The following PDGFD variants were observed in gnomAD, a reference collection of about 807,000 sequenced individuals.
PDGFD encodes the protein platelet derived growth factor D, also known as platelet-derived growth factor D.
A neutral mutation model predicts 44.7 loss-of-function variants in PDGFD; 30 were observed. The ratio of observed to expected loss-of-function variants is 0.67; its 90% CI spans 0.50 to 0.91. The LOEUF is 0.91. PDGFD is among the 40% of genes least tolerant of loss of function. The pLI is 0.00. For synonymous variants in PDGFD, 173 were observed against 168.4 expected, an observed-to-expected ratio of 1.03 and a Z score of -0.21; for missense variants, 445 against 457.8, an observed-to-expected ratio of 0.97 and a Z score of 0.25.
chr11:103,941,563 C>A (rs1224958207), intron 5 of PDGFD, among the ~76,000 whole-genome samples: 1 of 151,854 alleles, frequency 6.6e-6, no homozygotes, highest in Non-Finnish European at 1.5e-5. Flanking sequence ...AGAAGCAGTC[C>A]CCAGAAGTAG....
intron 1 of PDGFD, among the ~76,000 whole-genome samples, chr11:104,129,302 C>T (rs951699768): frequency 4.0e-5 from 6 of 151,654 alleles, no homozygotes; most frequent in African/African-American, 1.5e-4. Flanking sequence ...ATTTAGGCAC[C>T]CTGGAGAGTG....
intron 1 of PDGFD, among the ~76,000 whole-genome samples, chr11:104,141,966 GC>G (rs1174626524): frequency 6.6e-6 from 1 of 152,074 alleles, no homozygotes; most frequent in Non-Finnish European, 1.5e-5. Context: ...CATCTTTATA[GC>G]CTGGCTTGAA....
intron 1 of PDGFD, chr11:104,036,758 C>G (rs1860240929): frequency 3.7e-6 from 5 of 1,338,168 alleles, no homozygotes; most frequent in Admixed American, 1.8e-5. Context: ...ACGACGCAGG[C>G]CCGCCCCAGC....
rs1375427690 is a variant in PDGFD at position 103,987,663 on chromosome 11, T to C, written c.510+8402A>G. ...GGACTCACATTAATGAAACTGCTAC[T>C]TTTGAGTCCTTTTGGCTTCTTGTAT... On this transcript the variant is annotated intron_variant, in intron 3 of 6. Transcript: ENST00000393158. Among the ~76,000 whole-genome samples, 3 of 152,342 alleles carry C rather than the reference T, an allele frequency of 2.0e-5. No homozygotes were observed. In the East Asian group the frequency reaches 5.8e-4, roughly 29 times the overall value.
intron 2 of PDGFD, among the ~76,000 whole-genome samples, chr11:103,996,991 C>T (rs1168260550): frequency 6.6e-6 from 1 of 152,158 alleles, no homozygotes; most frequent in Admixed American, 6.5e-5. Context: ...CTTTAGTTAT[C>T]CTTGTGGGCA....
intron 1 of PDGFD, among the ~76,000 whole-genome samples, chr11:104,074,974 C>T (rs971994628): frequency 6.6e-6 from 1 of 152,132 alleles, no homozygotes; most frequent in African/African-American, 2.4e-5. Flanking sequence ...TAAGCAAAAG[C>T]AGTTCCATAC....
chr11:104,078,561 C>CT (rs1861001250), intron 1 of PDGFD, among the ~76,000 whole-genome samples: 1 of 48,444 alleles, frequency 2.1e-5, no homozygotes. Flanking sequence ...CCCATATTTG[C>CT]CTCCTTATAT....
At chr11:104,093,304 G>GCA (rs148019515) in intron 1 of PDGFD, among the ~76,000 whole-genome samples, 29 of 150,874 alleles carry the variant, frequency 1.9e-4, no homozygotes, top group Admixed American at 7.3e-4. Flanking sequence ...AAGGGTCAGT[G>GCA]CACACACACA....
At chr11:103,992,770 C>T (rs757765126) in intron 3 of PDGFD, among the ~76,000 whole-genome samples, 9 of 152,122 alleles carry the variant, frequency 5.9e-5, no homozygotes, top group East Asian at 1.9e-4. Flanking sequence ...AGTAAAAAAC[C>T]GACTAAAAAT....
chr11:104,015,356 T>C (rs563911219), intron 1 of PDGFD, among the ~76,000 whole-genome samples: 1 of 152,218 alleles, frequency 6.6e-6, no homozygotes, highest in Non-Finnish European at 1.5e-5. Flanking sequence ...AATGCAGATT[T>C]TGTTTATTCT....
rs1859531298 is a variant in PDGFD at position 103,996,145 on chromosome 11, T to A, written c.430A>T (p.Thr144Ser). 6 of 1,613,802 alleles carry A rather than the reference T, an allele frequency of 3.7e-6. No homozygotes were observed. In the East Asian group the frequency reaches 1.3e-4, roughly 36 times the overall value. ...KEVPPRIKSR[T>S]NQIKITFKSD... ...TTGAATGTGATTTTAATTTGGTTCGTTCTTGATTTTATCCTTGGAGGAACT... is the reference window on the plus strand; with the variant it reads ...TTGAATGTGATTTTAATTTGGTTCGATCTTGATTTTATCCTTGGAGGAACT... Residue 144 changes from threonine (T) to serine (S), a missense_variant, in exon 3 of 7, where the codon ACG becomes TCG. Coordinates refer to ENST00000393158, the MANE Select transcript of PDGFD (RefSeq NM_025208.5).
chr11:103,945,327 C>T (rs181271848), intron 4 of PDGFD, among the ~76,000 whole-genome samples: 34 of 152,218 alleles, frequency 2.2e-4, no homozygotes, highest in Admixed American at 9.8e-4. Flanking sequence ...ACGAGCTGAA[C>T]CCTGACTGAC....
At chr11:103,924,406 T>G (rs933081235) in intron 6 of PDGFD, among the ~76,000 whole-genome samples, 1 of 152,210 alleles carries the variant, frequency 6.6e-6, no homozygotes, top group Non-Finnish European at 1.5e-5. Context: ...AATCTAGAGT[T>G]CATCAGTTCA....
chr11:104,004,277 G>A (rs1242266528), intron 1 of PDGFD, among the ~76,000 whole-genome samples: 1 of 152,078 alleles, frequency 6.6e-6, no homozygotes, highest in Non-Finnish European at 1.5e-5. Context: ...CCACATTCAT[G>A]GATTCATCAA....
At chr11:104,049,377 C>T (rs260818) in intron 1 of PDGFD, among the ~76,000 whole-genome samples, 9 of 151,814 alleles carry the variant, frequency 5.9e-5, no homozygotes, top group Non-Finnish European at 7.4e-5. Context: ...TGTTCAAGGA[C>T]GAACGACAAA....
At chr11:104,115,546 G>C (rs1861623454) in intron 1 of PDGFD, among the ~76,000 whole-genome samples, 1 of 151,822 alleles carries the variant, frequency 6.6e-6, no homozygotes, top group Non-Finnish European at 1.5e-5. Flanking sequence ...CCTTTGTGTA[G>C]ATACCCAGTA....
At chr11:104,086,490 A>G (rs1861132608) in intron 1 of PDGFD, among the ~76,000 whole-genome samples, 1 of 152,198 alleles carries the variant, frequency 6.6e-6, no homozygotes, top group African/African-American at 2.4e-5. Context: ...CTCTATTCCA[A>G]TATAGCCTAA....
intron 3 of PDGFD, among the ~76,000 whole-genome samples, chr11:103,983,081 G>A (rs563407377): frequency 5.3e-5 from 8 of 151,686 alleles, no homozygotes; most frequent in African/African-American, 9.7e-5. Context: ...TAAAATTCAC[G>A]TGGAATCAAA....
intron 5 of PDGFD, among the ~76,000 whole-genome samples, 190 bp from the exon 6 acceptor site, chr11:103,927,316 C>T (rs1245011468): frequency 6.6e-6 from 1 of 152,084 alleles, no homozygotes; most frequent in Non-Finnish European, 1.5e-5. Context: ...TCCCATCTAC[C>T]CTTTGAAAAT....
Sources: gnomAD v4.1 joint callset for allele counts (sites outside exome capture counted in the v4.1 genomes callset) on GRCh38, gnomAD v4.1.1 for gene constraint, MANE v1.5 for transcripts, NCBI Gene and HGNC (gene_info 2026-07-23, HGNC 2026-07-21) for gene names.